Variants in GPD2 observed in about 807,000 individuals in gnomAD.
GPD2 encodes the protein glycerol-3-phosphate dehydrogenase, mitochondrial.
A neutral mutation model predicts 82.4 loss-of-function variants in GPD2; 54 were observed. That is an observed-to-expected ratio of 0.66 (90% CI 0.53 to 0.82). GPD2 has a LOEUF of 0.82. Ranked by LOEUF, GPD2 falls within the 40% of genes least tolerant of loss-of-function variation. GPD2 has a pLI of 0.00. For missense variants in GPD2, 748 were observed against 896.2 expected (o/e 0.83, Z 2.11); for synonymous variants, 288 against 306.1 (o/e 0.94, Z 0.62).
At chr2:156,505,742 C>A (rs1441939166) in intron 3 of GPD2, among the ~76,000 whole-genome samples, 1 of 152,116 alleles carries the variant, frequency 6.6e-6, no homozygotes, top group Non-Finnish European at 1.5e-5. Flanking sequence ...GCCCTTCAGG[C>A]TTAATTATTT....
intron 3 of GPD2, among the ~76,000 whole-genome samples, chr2:156,503,438 A>G (rs1374012313): frequency 1.3e-5 from 2 of 152,150 alleles, no homozygotes; most frequent in African/African-American, 4.8e-5. Flanking sequence ...GTCCTTTAAA[A>G]TATATGCATA....
intron 13 of GPD2, among the ~76,000 whole-genome samples, chr2:156,574,054 A>G (rs560827903): frequency 6.6e-6 from 1 of 152,316 alleles, no homozygotes; most frequent in Admixed American, 6.5e-5. Flanking sequence ...TAACACATGT[A>G]TAGCTCTGGC....
At chr2:156,410,771 G>T in the GPD2 span, among the ~76,000 whole-genome samples, 8 of 152,106 alleles carry the variant, frequency 5.3e-5, no homozygotes, top group Non-Finnish European at 1.2e-4. Flanking sequence ...TGCTTCTTAG[G>T]ATTAATGACC....
chr2:156,582,655 C>G (rs1197221065), intron 16 of GPD2, 138 bp from the exon 17 acceptor site: 3 of 896,318 alleles, frequency 3.3e-6, no homozygotes, highest in Non-Finnish European at 5.5e-6. Flanking sequence ...CTCTTCTTAT[C>G]TGAGCTGTAG....
intron 9 of GPD2, among the ~76,000 whole-genome samples, chr2:156,562,484 A>G (rs1280105597): frequency 6.6e-6 from 1 of 152,172 alleles, no homozygotes; most frequent in Non-Finnish European, 1.5e-5. Context: ...ATGCTGGTAG[A>G]GAAGTATTGA....
chr2:156,484,413 A>G (rs1017332473), intron 2 of GPD2, among the ~76,000 whole-genome samples: 1 of 152,230 alleles, frequency 6.6e-6, no homozygotes, highest in Non-Finnish European at 1.5e-5. Flanking sequence ...CCGGGATTAC[A>G]GGCGTGAGCC....
chr2:156,547,634 C>T (rs993016521), intron 6 of GPD2, among the ~76,000 whole-genome samples: 1 of 152,186 alleles, frequency 6.6e-6, no homozygotes, highest in East Asian at 1.9e-4. Flanking sequence ...ACATTTTAAA[C>T]TGAAGTTAAG....
intron 6 of GPD2, among the ~76,000 whole-genome samples, chr2:156,525,090 A>G (rs757545592): frequency 3.3e-4 from 50 of 152,122 alleles, no homozygotes; most frequent in Non-Finnish European, 8.8e-5. Flanking sequence ...GATTCTTTTC[A>G]TTTATTTGTA....
intron 1 of GPD2, among the ~76,000 whole-genome samples, chr2:156,438,640 C>T (rs1573866927): frequency 6.6e-6 from 1 of 152,102 alleles, no homozygotes; most frequent in African/African-American, 2.4e-5. Flanking sequence ...AAACTTGATT[C>T]TTTCTGTTTG....
intron 3 of GPD2, among the ~76,000 whole-genome samples, chr2:156,503,347 C>G (rs984882121): frequency 2.6e-5 from 4 of 152,150 alleles, no homozygotes; most frequent in Non-Finnish European, 4.4e-5. Context: ...AAGAGAGAAG[C>G]TTTTGGTCTA....
chr2:156,541,806 A>T (rs1419571703), intron 6 of GPD2, among the ~76,000 whole-genome samples: 1 of 140,356 alleles, frequency 7.1e-6, no homozygotes, highest in African/African-American at 2.6e-5. Context: ...TCTTCCTTAA[A>T]CGTATAAAAT....
chr2:156,583,345 A>G lies in GPD2; in HGVS notation c.*427A>G, dbSNP rs1347095. The G allele has an allele frequency of 0.99, 214,219 of 216,700 alleles. 105,939 individuals carry two copies. Among genetic ancestry groups the G allele is most frequent in the Middle Eastern group, 1 (470 of 470 alleles). 13.4% of individuals were successfully genotyped at this position (216,700 alleles called of 1,614,324 possible). On this transcript the variant is annotated 3_prime_UTR_variant, in exon 17 of 17. Transcript: ENST00000438166. Reference sequence around the variant, plus strand: ...AAAAGAGTTGCCTATTGAAATGATCATGTTTCTGGAGAAATTAAGCTTATA... The same window carrying G: ...AAAAGAGTTGCCTATTGAAATGATCGTGTTTCTGGAGAAATTAAGCTTATA...
At chr2:156,429,165 C>T in the GPD2 span, among the ~76,000 whole-genome samples, 3 of 152,090 alleles carry the variant, frequency 2.0e-5, no homozygotes, top group Non-Finnish European at 4.4e-5. Flanking sequence ...GAGATTTAAA[C>T]CATTTCCAGG....
chr2:156,555,031 C>T (rs565846744), intron 8 of GPD2, among the ~76,000 whole-genome samples: 88 of 152,280 alleles, frequency 5.8e-4, no homozygotes, highest in South Asian at 1.7e-3. Flanking sequence ...CGTATACTAT[C>T]GCTATAGTTG....
intron 3 of GPD2, among the ~76,000 whole-genome samples, chr2:156,503,581 C>G (rs1684669846): frequency 6.6e-6 from 1 of 151,916 alleles, no homozygotes; most frequent in South Asian, 2.1e-4. Context: ...ATTGGATATT[C>G]AGTTATTGAA....
intron 1 of GPD2, among the ~76,000 whole-genome samples, chr2:156,453,764 C>T (rs1184199951): frequency 2.6e-5 from 4 of 152,132 alleles, no homozygotes; most frequent in Non-Finnish European, 5.9e-5. Flanking sequence ...GTGATCCCAG[C>T]TACTTGGGAG....
intron 16 of GPD2, among the ~76,000 whole-genome samples, chr2:156,581,419 G>A (rs1688020178): frequency 6.6e-6 from 1 of 152,038 alleles, no homozygotes; most frequent in Non-Finnish European, 1.5e-5. Flanking sequence ...AAAACCTCTA[G>A]CTTTGTCAGT....
At chr2:156,578,701 T>C (rs755357160) in intron 13 of GPD2, among the ~76,000 whole-genome samples, 188 bp from the exon 14 acceptor site, 5 of 152,194 alleles carry the variant, frequency 3.3e-5, no homozygotes, top group Admixed American at 1.3e-4. Context: ...CTGTAGATCT[T>C]AATCATGGTA....
At chr2:156,510,750 C>T (rs371123323) in intron 3 of GPD2, 46 bp from the exon 4 acceptor site, 1 of 1,529,926 alleles carries the variant, frequency 6.5e-7, no homozygotes, top group South Asian at 1.1e-5. Context: ...GAATTACATA[C>T]AAATTGTGTA....
Sources: gnomAD v4.1 joint callset for allele counts (sites outside exome capture counted in the v4.1 genomes callset) on GRCh38, gnomAD v4.1.1 for gene constraint, MANE v1.5 for transcripts, NCBI Gene and HGNC (gene_info 2026-07-23, HGNC 2026-07-21) for gene names.